Variants in ATXN1 observed in about 807,000 individuals in gnomAD.
ATXN1 encodes ataxin-1.
In ATXN1, 8 loss-of-function variants were observed where a neutral mutation model predicts 56.4. That is an observed-to-expected ratio of 0.14 (90% CI 0.08 to 0.26). ATXN1 has a LOEUF of 0.26. ATXN1 is among the 10% of genes least tolerant of loss of function. The pLI, the probability that ATXN1 is intolerant of heterozygous loss-of-function variation, is 1.00. For synonymous variants in ATXN1, 514 were observed against 494.6 expected (o/e 1.04, Z -0.52); for missense variants, 987 against 1,106.5 (o/e 0.89, Z 1.53).
intron 2 of ATXN1, among the ~76,000 whole-genome samples, chr6:16,658,152 GT>G (rs1447991941): frequency 6.6e-6 from 1 of 152,128 alleles, no homozygotes; most frequent in Non-Finnish European, 1.5e-5. Context: ...GAGGTAGCAG[GT>G]CTTGAAAATC....
chr6:16,581,633 A>G (rs1367049074), intron 4 of ATXN1, among the ~76,000 whole-genome samples: 2 of 152,188 alleles, frequency 1.3e-5, no homozygotes, highest in East Asian at 1.9e-4. Flanking sequence ...TGGAGGGGCT[A>G]TTATTTAGAT....
In ATXN1 at chr6:16,559,150, G is replaced by A. The variant is rs967956351; in HGVS notation, c.-361+26630C>T. ...TTAAAAACATCGTCTGTGGAGAAAA[G>A]CACACTCAAACAGTGCTAGCAGGAA... is the stretch of plus-strand genomic sequence containing the variant. On this transcript the variant is annotated intron_variant, in intron 4 of 7. Coordinates refer to ENST00000436367, the MANE Select transcript of ATXN1 (RefSeq NM_001128164.2). Among the ~76,000 whole-genome samples, 18 of 152,156 alleles carry A rather than the reference G, an allele frequency of 1.2e-4. 1 individual carries two copies. Among genetic ancestry groups the A allele is most frequent in the Middle Eastern group, 6.3e-3 (2 of 316 alleles).
chr6:16,648,206 C>T (rs934041294), intron 3 of ATXN1, among the ~76,000 whole-genome samples: 1 of 152,202 alleles, frequency 6.6e-6, no homozygotes, highest in Admixed American at 6.5e-5. Context: ...CTATTGCTTA[C>T]AGACACTTCC....
chr6:16,715,633 T>C lies in ATXN1; in HGVS notation c.-615+37600A>G, dbSNP rs3812213. 7.8e-4 allele frequency among the ~76,000 whole-genome samples: 119 copies of C among 152,310 alleles called. No individual in the cohort carries two copies. The East Asian group carries it at 0.015, about 19-fold the overall frequency. On this transcript the variant is annotated intron_variant, in intron 2 of 7. Transcript: ENST00000436367. Reference sequence around the variant, plus strand: ...CAGCTACATATATTTGGAAGAAAGCTCCTATTTCTGTTAGTGATTCTGATG... The same window carrying C: ...CAGCTACATATATTTGGAAGAAAGCCCCTATTTCTGTTAGTGATTCTGATG...
At chr6:16,514,109 T>C (rs150135688) in intron 5 of ATXN1, among the ~76,000 whole-genome samples, 14 of 152,154 alleles carry the variant, frequency 9.2e-5, no homozygotes, top group Admixed American at 7.8e-4. Flanking sequence ...CAGGCAGCTA[T>C]GAAGAGTGAC....
rs147704443 is a variant in ATXN1 at position 16,398,989 on chromosome 6, G to C, written c.-160-70519C>G. Reference sequence around the variant, plus strand: ...GGACTCACCATGAGAGGACGATCGTGTGCTATTCCATTAAACATGCCTCCG... The same window carrying C: ...GGACTCACCATGAGAGGACGATCGTCTGCTATTCCATTAAACATGCCTCCG... On this transcript the variant is annotated intron_variant, in intron 6 of 7. Coordinates refer to ENST00000436367, the MANE Select transcript of ATXN1 (RefSeq NM_001128164.2). Among the ~76,000 whole-genome samples, 1,523 of 152,316 alleles carry C rather than the reference G, an allele frequency of 1.0e-2. 13 individuals are homozygous for C. The highest frequency in any genetic ancestry group is 0.014 in the Non-Finnish European group (948 of 68,022).
intron 1 of ATXN1, chr6:16,754,651 C>G (rs528951611): frequency 6.6e-6 from 1 of 152,286 alleles, no homozygotes; most frequent in South Asian, 2.1e-4. Flanking sequence ...TCTAACTAAT[C>G]CATTCACCAA....
At position 16,679,770 on chromosome 6, in the gene ATXN1, G is replaced by A. The variant is rs188896598; in HGVS notation, c.-614-21869C>T. Among the ~76,000 whole-genome samples the A allele has an allele frequency of 5.9e-3, 904 of 152,156 alleles. 6 individuals carry two copies. Among genetic ancestry groups the A allele is most frequent in the Non-Finnish European group, 8.9e-3 (608 of 67,984 alleles). ...ATTGTATCACTACAGTTAAACGGGGGGATTAGATAAAGATAAGTAAAATAT... is the reference window on the plus strand; with the variant it reads ...ATTGTATCACTACAGTTAAACGGGGAGATTAGATAAAGATAAGTAAAATAT... On this transcript the variant is annotated intron_variant, in intron 2 of 7. Transcript: ENST00000436367.
intron 1 of ATXN1, among the ~76,000 whole-genome samples, chr6:16,756,260 G>A (rs573660306): frequency 4.0e-5 from 6 of 151,876 alleles, no homozygotes; most frequent in East Asian, 3.9e-4. Context: ...TGTAATTACC[G>A]TTCTTTCAGC....
intron 6 of ATXN1, among the ~76,000 whole-genome samples, chr6:16,354,971 TA>T (rs1464010849): frequency 2.0e-5 from 3 of 152,214 alleles, no homozygotes; most frequent in Non-Finnish European, 2.9e-5. Flanking sequence ...CTGTGTCCTG[TA>T]ACATATTTGA....
At chr6:16,487,657 G>A (rs1274232570) in intron 5 of ATXN1, among the ~76,000 whole-genome samples, 1 of 152,132 alleles carries the variant, frequency 6.6e-6, no homozygotes, top group African/African-American at 2.4e-5. Flanking sequence ...AAATAGCCCA[G>A]GACCCTGCAC....
intron 6 of ATXN1, among the ~76,000 whole-genome samples, chr6:16,389,443 G>A (rs35186034): frequency 0.015 from 2,337 of 152,064 alleles, 28 homozygotes; most frequent in Non-Finnish European, 0.021. Context: ...AAAAGAAAGC[G>A]ACAGATATTG....
chr6:16,757,206 TA>T (rs1760912500), intron 1 of ATXN1, among the ~76,000 whole-genome samples: 1 of 152,234 alleles, frequency 6.6e-6, no homozygotes, highest in Non-Finnish European at 1.5e-5. Context: ...AGTCTAGTCG[TA>T]ACATTTTTGA....
At chr6:16,351,837 C>T (rs1446239499) in intron 6 of ATXN1, among the ~76,000 whole-genome samples, 1 of 152,148 alleles carries the variant, frequency 6.6e-6, no homozygotes, top group Non-Finnish European at 1.5e-5. Context: ...ACAAACAGTC[C>T]CAGATGTGTG....
intron 3 of ATXN1, among the ~76,000 whole-genome samples, chr6:16,652,355 T>C (rs1270989624): frequency 6.6e-6 from 1 of 152,214 alleles, no homozygotes; most frequent in Non-Finnish European, 1.5e-5. Context: ...GGAAATCATG[T>C]ACCTCTCAAG....
At chr6:16,732,676 A>T (rs184216266) in intron 2 of ATXN1, among the ~76,000 whole-genome samples, 2 of 152,334 alleles carry the variant, frequency 1.3e-5, no homozygotes, top group African/African-American at 4.8e-5. Context: ...CACTGTATTT[A>T]CACATACAAA....
intron 3 of ATXN1, among the ~76,000 whole-genome samples, chr6:16,620,655 AGGTT>A (rs1433352924): frequency 1.3e-5 from 2 of 152,212 alleles, no homozygotes; most frequent in Non-Finnish European, 2.9e-5. Flanking sequence ...AAGAAAACAG[AGGTT>A]GTTGATCATC....
At chr6:16,398,409 C>T (rs557577794) in intron 6 of ATXN1, among the ~76,000 whole-genome samples, 12 of 152,124 alleles carry the variant, frequency 7.9e-5, no homozygotes, top group African/African-American at 2.9e-4. Context: ...TAGAAGTAAT[C>T]GTGAATAAAG....
At chr6:16,520,900 C>T (rs1761274632) in intron 5 of ATXN1, among the ~76,000 whole-genome samples, 1 of 152,150 alleles carries the variant, frequency 6.6e-6, no homozygotes, top group Non-Finnish European at 1.5e-5. Context: ...ACACCAATTA[C>T]GTCTGTATGT....
Sources: gnomAD v4.1 joint callset for allele counts (sites outside exome capture counted in the v4.1 genomes callset) on GRCh38, gnomAD v4.1.1 for gene constraint, MANE v1.5 for transcripts, NCBI Gene and HGNC (gene_info 2026-07-23, HGNC 2026-07-21) for gene names.